AUTS2: variants seen among roughly 807,000 people sequenced by gnomAD.
AUTS2 encodes activator of transcription and developmental regulator AUTS2.
A neutral mutation model predicts 112.4 loss-of-function variants in AUTS2; 17 were observed. The ratio of observed to expected loss-of-function variants is 0.15; its 90% CI spans 0.10 to 0.23. The LOEUF is 0.23. AUTS2 is among the 10% of genes least tolerant of loss of function. The pLI is 1.00. For missense variants in AUTS2, 1,510 were observed against 1,701.6 expected (o/e 0.89, Z 1.98); for synonymous variants, 751 against 702.7 (o/e 1.07, Z -1.09).
At chr7:70,531,619 G>A (rs561489881) in intron 5 of AUTS2, among the ~76,000 whole-genome samples, 5 of 152,022 alleles carry the variant, frequency 3.3e-5, no homozygotes, top group East Asian at 3.9e-4. Flanking sequence ...TTAAATAATC[G>A]GCTCTCATGT....
At chr7:69,816,293 C>G (rs921287310) in intron 1 of AUTS2, among the ~76,000 whole-genome samples, 5 of 152,174 alleles carry the variant, frequency 3.3e-5, no homozygotes, top group African/African-American at 1.2e-4. Context: ...ACTTACATTC[C>G]GTTCTCCCCA....
intron 1 of AUTS2, among the ~76,000 whole-genome samples, chr7:69,791,702 G>T (rs1177763004): frequency 6.6e-6 from 1 of 152,198 alleles, no homozygotes; most frequent in Non-Finnish European, 1.5e-5. Context: ...TTAATTCCCA[G>T]ATACTTACAC....
At chr7:70,508,274 G>C (rs1032816301) in intron 5 of AUTS2, among the ~76,000 whole-genome samples, 1 of 152,054 alleles carries the variant, frequency 6.6e-6, no homozygotes, top group Non-Finnish European at 1.5e-5. Context: ...CAAAAAGGAG[G>C]GGGGTAGGGA....
chr7:70,411,078 T>A (rs1241936680), intron 4 of AUTS2, among the ~76,000 whole-genome samples: 1 of 152,116 alleles, frequency 6.6e-6, no homozygotes, highest in Non-Finnish European at 1.5e-5. Context: ...TTGGGCAGGC[T>A]GGTCTCGAAC....
chr7:69,711,208 G>T (rs1798310033), intron 1 of AUTS2, among the ~76,000 whole-genome samples: 1 of 152,100 alleles, frequency 6.6e-6, no homozygotes, highest in Admixed American at 6.6e-5. Context: ...CTATCCCATT[G>T]CTTTGCCTGT....
intron 2 of AUTS2, among the ~76,000 whole-genome samples, chr7:70,037,264 T>G (rs1801047021): frequency 6.6e-6 from 1 of 152,154 alleles, no homozygotes; most frequent in Non-Finnish European, 1.5e-5. Flanking sequence ...GAGATTTGAG[T>G]CAATGGATAC....
At chr7:70,567,335 T>G (rs1801749275) in intron 5 of AUTS2, among the ~76,000 whole-genome samples, 1 of 152,214 alleles carries the variant, frequency 6.6e-6, no homozygotes, top group African/African-American at 2.4e-5. Flanking sequence ...TTTACTGATT[T>G]CAGAGTACTG....
intron 1 of AUTS2, among the ~76,000 whole-genome samples, chr7:69,839,071 G>C (rs1791852868): frequency 6.6e-6 from 1 of 152,150 alleles, no homozygotes; most frequent in Non-Finnish European, 1.5e-5. Flanking sequence ...TAGATTTGCA[G>C]GATTTCTGTT....
intron 2 of AUTS2, among the ~76,000 whole-genome samples, chr7:69,950,586 T>C (rs776004722): frequency 1.3e-5 from 2 of 152,154 alleles, no homozygotes; most frequent in African/African-American, 4.8e-5. Context: ...ATTTTAAAAC[T>C]TTTATTCTAA....
intron 1 of AUTS2, among the ~76,000 whole-genome samples, chr7:69,736,868 C>G (rs1399575098): frequency 6.6e-6 from 1 of 152,170 alleles, no homozygotes; most frequent in Non-Finnish European, 1.5e-5. Context: ...TTTAATAAAC[C>G]TGGTCCAGGC....
chr7:70,249,860 TAATATTTTAAGTAA>T lies in AUTS2; in HGVS notation c.660+115310_660+115323del, dbSNP rs986394641. On this transcript the variant is annotated intron_variant, in intron 4 of 18. Transcript: ENST00000342771. Reference sequence around the variant, plus strand: ...TCAAATTATGTTTTAAGTAAAATATTAATATTTTAAGTAAAATATTTTAAGTAAAATATTAATAT... The same window carrying T: ...TCAAATTATGTTTTAAGTAAAATATTAATATTTTAAGTAAAATATTAATAT... Among the ~76,000 whole-genome samples, 14 of 151,116 alleles carry T rather than the reference TAATATTTTAAGTAA, an allele frequency of 9.3e-5. No individual in the cohort carries two copies. In the South Asian group the frequency reaches 1.5e-3, roughly 16 times the overall value.
In AUTS2 at chr7:69,724,797, A is replaced by G. The variant is rs549800901; in HGVS notation, c.309+124835A>G. 6.6e-5 allele frequency among the ~76,000 whole-genome samples: 10 copies of G among 152,356 alleles called. No individual in the cohort carries two copies. In the East Asian group the frequency reaches 1.4e-3, roughly 21 times the overall value. The stretch of plus-strand genomic sequence containing the variant: ...GGCGTGAAAAATGTGGAATAACCAG[A>G]TAAAGGACCCTTAATTGGTTGTAGA... On this transcript the variant is annotated intron_variant, in intron 1 of 18. Transcript: ENST00000342771.
intron 4 of AUTS2, among the ~76,000 whole-genome samples, chr7:70,189,221 TGAG>T (rs1809758775): frequency 6.6e-6 from 1 of 152,114 alleles, no homozygotes; most frequent in Non-Finnish European, 1.5e-5. Flanking sequence ...AATCAAGATC[TGAG>T]GAGTGACATT....
intron 4 of AUTS2, among the ~76,000 whole-genome samples, chr7:70,420,067 G>A (rs1056622578): frequency 4.6e-5 from 7 of 152,210 alleles, no homozygotes; most frequent in African/African-American, 1.7e-4. Flanking sequence ...CGGCTACTAA[G>A]TGAGCGGCTT....
At chr7:69,872,945 C>A (rs1014063456) in intron 1 of AUTS2, among the ~76,000 whole-genome samples, 2 of 142,728 alleles carry the variant, frequency 1.4e-5, no homozygotes, top group Admixed American at 1.5e-4. Flanking sequence ...CAGGTTCAAG[C>A]GATTCTCCTG....
intron 4 of AUTS2, among the ~76,000 whole-genome samples, chr7:70,190,596 T>C (rs1809828706): frequency 6.6e-6 from 1 of 152,200 alleles, no homozygotes; most frequent in African/African-American, 2.4e-5. Context: ...CATTAGACAG[T>C]GCATTCGGGT....
At chr7:69,609,428 C>A (rs1257880225) in intron 1 of AUTS2, among the ~76,000 whole-genome samples, 1 of 152,288 alleles carries the variant, frequency 6.6e-6, no homozygotes, top group Non-Finnish European at 1.5e-5. Context: ...TAGGTACATT[C>A]ATCGTTTTTA....
At chr7:69,637,919 T>G (rs577403103) in intron 1 of AUTS2, among the ~76,000 whole-genome samples, 8 of 152,336 alleles carry the variant, frequency 5.3e-5, no homozygotes, top group African/African-American at 9.6e-5. Context: ...AAATAGATGC[T>G]CATTGTTGAC....
At chr7:70,068,133 A>C (rs1399404781) in intron 2 of AUTS2, among the ~76,000 whole-genome samples, 1 of 152,036 alleles carries the variant, frequency 6.6e-6, no homozygotes, top group Non-Finnish European at 1.5e-5. Flanking sequence ...GTTTACAGTC[A>C]GTGATTATGT....
Sources: gnomAD v4.1 joint callset for allele counts (sites outside exome capture counted in the v4.1 genomes callset) on GRCh38, gnomAD v4.1.1 for gene constraint, MANE v1.5 for transcripts, NCBI Gene and HGNC (gene_info 2026-07-23, HGNC 2026-07-21) for gene names.